The following ERBB4 variants were observed in gnomAD, a reference collection of about 807,000 sequenced individuals.
The protein encoded by ERBB4 is erb-b2 receptor tyrosine kinase 4, also known as receptor tyrosine-protein kinase erbB-4.
A neutral mutation model predicts 158.0 loss-of-function variants in ERBB4; 42 were observed. That is an observed-to-expected ratio of 0.27 (90% CI 0.21 to 0.34). The LOEUF (loss-of-function observed/expected upper bound fraction) is 0.34. ERBB4 is among the 10% of genes least tolerant of loss of function. The pLI is 1.00. For missense variants in ERBB4, 1,333 were observed against 1,624.1 expected (o/e 0.82, Z 3.08); for synonymous variants, 583 against 558.7 (o/e 1.04, Z -0.61).
intron 1 of ERBB4, among the ~76,000 whole-genome samples, chr2:212,490,533 C>T (rs181873949): frequency 7.6e-4 from 116 of 151,880 alleles, no homozygotes; most frequent in Non-Finnish European, 1.3e-3. Context: ...CCAGAGTCCT[C>T]ACTATTTAAT....
rs554002177 is a variant in ERBB4 at position 212,254,399 on chromosome 2, G to A, written c.83-129496C>T. On this transcript the variant is annotated intron_variant, in intron 1 of 27. Coordinates refer to ENST00000342788, the MANE Select transcript of ERBB4 (RefSeq NM_005235.3). ...ACACCACAGAGGAAACAAACAACTC[G>A]AATAGTGTTATTTAAAATTGCAATC... 1.3e-4 allele frequency among the ~76,000 whole-genome samples: 20 copies of A among 152,184 alleles called. 1 individual carries two copies. In the South Asian group the frequency reaches 3.7e-3, roughly 28 times the overall value.
chr2:211,549,950 T>C (rs1023704426), intron 20 of ERBB4, among the ~76,000 whole-genome samples: 3 of 152,106 alleles, frequency 2.0e-5, no homozygotes, highest in Non-Finnish European at 4.4e-5. Flanking sequence ...TCCTTATACA[T>C]GATAAAGTGG....
rs566480322 is a variant in ERBB4 at position 212,136,533 on chromosome 2, T to A, written c.83-11630A>T. Among the ~76,000 whole-genome samples, 242 of 152,276 alleles carry A rather than the reference T, an allele frequency of 1.6e-3. 1 individual carries two copies. The highest frequency in any genetic ancestry group is 3.1e-3 in the South Asian group (15 of 4,830). ...AATAGGTACCTTCATGCAAATGCAC[T>A]AGGGTGGCACTCTTTTAAGTGAAAC... On this transcript the variant is annotated intron_variant, in intron 1 of 27. Transcript: ENST00000342788.
intron 1 of ERBB4, among the ~76,000 whole-genome samples, chr2:212,192,736 T>TTATTCCCAGCTAGTCC (rs1280460101): frequency 1.3e-5 from 2 of 152,068 alleles, no homozygotes; most frequent in Admixed American, 1.3e-4. Flanking sequence ...GGCTTTATTT[T>TTATTCCCAGCTAGTCC]TATTCCCAGC....
In ERBB4 at chr2:211,561,972, C is replaced by T. The variant is rs775875805; in HGVS notation, c.2418G>A (p.Glu806=). ...TQLMPHGCLL[E]YVHEHKDNIG... ...TGTTATCCTTGTGCTCGTGGACATA[C>T]TCCAACAGGCAGCCATGGGGCATAA... Residue 806 remains glutamate (E), a synonymous_variant, in exon 20 of 28, where the codon GAG becomes GAA. Coordinates refer to ENST00000342788, the MANE Select transcript of ERBB4 (RefSeq NM_005235.3). 97 of 1,614,182 alleles carry T rather than the reference C, an allele frequency of 6.0e-5. No individual in the cohort carries two copies. In the Middle Eastern group the frequency reaches 1.2e-3, roughly 19 times the overall value.
At chr2:211,621,026 G>A (rs1302520060) in intron 18 of ERBB4, among the ~76,000 whole-genome samples, 1 of 152,034 alleles carries the variant, frequency 6.6e-6, no homozygotes, top group Non-Finnish European at 1.5e-5. Context: ...GAGGTGGGAG[G>A]ATGGTTTGAG....
At chr2:211,560,139 T>A (rs2067345095) in intron 20 of ERBB4, among the ~76,000 whole-genome samples, 1 of 152,064 alleles carries the variant, frequency 6.6e-6, no homozygotes, top group African/African-American at 2.4e-5. Context: ...CAAAGTAGTT[T>A]CTCTTATTAG....
chr2:212,503,497 C>T (rs113725813), intron 1 of ERBB4, among the ~76,000 whole-genome samples: 1,892 of 152,188 alleles, frequency 0.012, 42 homozygotes, highest in African/African-American at 0.043. Flanking sequence ...AATAGCATCT[C>T]AATGCAGTTT....
chr2:211,844,130 G>C (rs915498731), intron 3 of ERBB4, among the ~76,000 whole-genome samples: 1 of 73,062 alleles, frequency 1.4e-5, no homozygotes, highest in Non-Finnish European at 3.2e-5. Flanking sequence ...TGTGAGAAAT[G>C]AAAACACTAA....
At chr2:212,076,157 G>A (rs1426469064) in intron 2 of ERBB4, among the ~76,000 whole-genome samples, 1 of 151,778 alleles carries the variant, frequency 6.6e-6, no homozygotes, top group Non-Finnish European at 1.5e-5. Context: ...CACTTTTGGA[G>A]ATATTTCTGA....
intron 15 of ERBB4, among the ~76,000 whole-genome samples, chr2:211,659,632 A>T (rs931574712): frequency 2.0e-5 from 3 of 152,010 alleles, no homozygotes; most frequent in East Asian, 3.9e-4. Flanking sequence ...TTGAAAGATT[A>T]AAAAAAATTC....
intron 1 of ERBB4, among the ~76,000 whole-genome samples, chr2:212,531,649 C>T (rs914675585): frequency 3.3e-5 from 5 of 152,032 alleles, no homozygotes; most frequent in Admixed American, 3.3e-4. Context: ...CTTATTTCAG[C>T]ATTCATAGTA....
intron 1 of ERBB4, among the ~76,000 whole-genome samples, chr2:212,468,462 G>C (rs1224470238): frequency 6.6e-6 from 1 of 152,128 alleles, no homozygotes; most frequent in Non-Finnish European, 1.5e-5. Flanking sequence ...AAAAATGGGA[G>C]TTTCTCTGCA....
chr2:211,697,947 A>T (rs2073085590), intron 12 of ERBB4, among the ~76,000 whole-genome samples: 1 of 152,234 alleles, frequency 6.6e-6, no homozygotes, highest in African/African-American at 2.4e-5. Flanking sequence ...AGTAGTGATG[A>T]TATAAAAATG....
chr2:212,027,426 GT>G (rs2076799442), intron 2 of ERBB4, among the ~76,000 whole-genome samples: 1 of 151,802 alleles, frequency 6.6e-6, no homozygotes, highest in Non-Finnish European at 1.5e-5. Flanking sequence ...TTAATTATAG[GT>G]TTTCACTGTA....
intron 1 of ERBB4, among the ~76,000 whole-genome samples, chr2:212,423,985 A>G (rs2091853186): frequency 6.6e-6 from 1 of 152,186 alleles, no homozygotes; most frequent in Non-Finnish European, 1.5e-5. Context: ...GTTTAATCAT[A>G]AGCTTTTAAA....
chr2:211,713,747 C>T, intron 7 of ERBB4, 99 bp from the exon 8 acceptor site: 1 of 728,440 alleles, frequency 1.4e-6, no homozygotes, highest in Admixed American at 2.1e-5. Context: ...TGATTAGCAT[C>T]ATTGATAGTG....
intron 2 of ERBB4, among the ~76,000 whole-genome samples, chr2:212,019,267 G>A (rs2125324255): frequency 6.6e-6 from 1 of 152,232 alleles, no homozygotes; most frequent in African/African-American, 2.4e-5. Flanking sequence ...TTATTATATA[G>A]CCATCTTTAA....
rs35696520 is a variant in ERBB4 at position 211,515,912 on chromosome 2, A to ATATATATATATATATT, written c.2487+45990_2487+45991insAATATATATATATATA. 8.9e-4 allele frequency among the ~76,000 whole-genome samples: 70 copies of ATATATATATATATATT among 78,984 alleles called. 1 individual carries two copies. The highest frequency in any genetic ancestry group is 3.6e-3 in the African/African-American group (64 of 17,570). The allele number at this position is 78,984 out of a possible 152,430, so 51.8% of individuals were successfully genotyped here. Reference sequence around the variant, plus strand: ...AAACATATATTATATATATATATATATTTTTTTTTTTTTTTTTTTTGAGGC... The same window carrying ATATATATATATATATT: ...AAACATATATTATATATATATATATATATATATATATATATTTTTTTTTTTTTTTTTTTTTTGAGGC... On this transcript the variant is annotated intron_variant, in intron 20 of 27. Transcript: ENST00000342788.
Sources: allele counts gnomAD v4.1 joint callset (sites outside exome capture counted in the v4.1 genomes callset), GRCh38; gene constraint gnomAD v4.1.1; transcripts MANE v1.5; gene names NCBI Gene and HGNC (gene_info 2026-07-23, HGNC 2026-07-21).